The following RYR1 variants were observed in gnomAD, a reference collection of about 807,000 sequenced individuals.
RYR1 encodes the protein central core disease of muscle.
RYR1 carries 342 observed loss-of-function variants against 583.5 expected under a neutral mutation model. That is an observed-to-expected ratio of 0.59 (90% CI 0.54 to 0.64). RYR1 has a LOEUF of 0.64. RYR1 is among the 30% of genes least tolerant of loss of function. The probability of loss-of-function intolerance (pLI) is 0.00; values close to 1 mark genes in which losing one functional copy is unlikely to be tolerated. For synonymous variants in RYR1, 2,791 were observed against 2,822.5 expected (o/e 0.99, Z 0.35); for missense variants, 6,032 against 6,917.2 (o/e 0.87, Z 4.54).
chr19:38,459,247 C>T lies in RYR1; in HGVS notation c.2269C>T (p.Arg757Cys), dbSNP rs890373465. The T allele has an allele frequency of 1.9e-5, 30 of 1,613,984 alleles. No individual in the cohort carries two copies. The highest frequency in any genetic ancestry group is 8.3e-5 in the Admixed American group (5 of 59,998). The change falls in exon 19 of 106, where the codon CGC becomes TGC. Residue 757 changes from arginine to cysteine, a missense_variant. Transcript: ENST00000359596. The stretch of plus-strand genomic sequence containing the variant: ...CCTCAGCGTGCCGTCCATCTCCTTC[C>T]GCATCAACGGCTGCCCCGTGCAGGG... ...LDLSVPSISF[R>C]INGCPVQGVF...
In RYR1 at chr19:38,534,782, G is replaced by A. The variant is rs1389320672; in HGVS notation, c.11322G>A (p.Ala3774=). ...AAGCACGGCTGCACACCCGGGGGGC[G>A]GCCGAGATGGTGCTGCAGATGATCA... ...YQQARLHTRG[A]AEMVLQMISA... The change falls in exon 79 of 106, where the codon GCG becomes GCA. Residue 3774 remains alanine (A), a synonymous_variant. Transcript: ENST00000359596. 7.4e-6 allele frequency: 12 copies of A among 1,613,780 alleles called. No homozygotes were observed. Among genetic ancestry groups the A allele is most frequent in the East Asian group, 6.7e-5 (3 of 44,876 alleles).
At chr19:38,488,219 C>T (rs1969384703) in intron 34 of RYR1, among the ~76,000 whole-genome samples, 2 of 152,140 alleles carry the variant, frequency 1.3e-5, no homozygotes, top group Non-Finnish European at 2.9e-5. Flanking sequence ...TCATTTACTT[C>T]CTCATGCATC....
intron 61 of RYR1, 132 bp downstream of exon 61, chr19:38,511,742 C>G: frequency 8.7e-7 from 1 of 1,144,566 alleles, no homozygotes; most frequent in Admixed American, 1.8e-5. Context: ...AGACATGGAC[C>G]AGGTATCCGG....
At position 38,507,923 on chromosome 19, in the gene RYR1, C is replaced by T. The variant is rs946050840; in HGVS notation, c.8932+96C>T. The T allele has an allele frequency of 1.4e-5, 11 of 759,100 alleles. 1 individual carries two copies. Among genetic ancestry groups the T allele is most frequent in the South Asian group, 1.3e-4 (9 of 71,738 alleles). 47.0% of individuals were successfully genotyped at this position (759,100 alleles called of 1,614,324 possible). ...AGGACACCTGTTCATGCACTCAATC[C>T]GTCCTCCCCTTATCTGATGTTTATT... is the stretch of plus-strand genomic sequence containing the variant. On this transcript the variant is annotated intron_variant, in intron 58 of 105. Transcript: ENST00000359596.
intron 34 of RYR1, 121 bp from the exon 35 acceptor site, chr19:38,489,056 C>G (rs1200104835): frequency 1.1e-6 from 1 of 885,306 alleles, no homozygotes; most frequent in Non-Finnish European, 1.9e-6. Flanking sequence ...TGGGAGGAAT[C>G]GGATCAGCCA....
chr19:38,542,121 A>G (rs534146439), intron 84 of RYR1, among the ~76,000 whole-genome samples: 1 of 147,678 alleles, frequency 6.8e-6, no homozygotes, highest in East Asian at 2.0e-4. Context: ...TTTTTTTACT[A>G]CTGTATCCCC....
chr19:38,562,792 C>T (rs1973210011), intron 90 of RYR1, among the ~76,000 whole-genome samples: 1 of 152,234 alleles, frequency 6.6e-6, no homozygotes. Flanking sequence ...CACACTGAGC[C>T]TCTCGTGGTT....
rs2145543717 is a variant in RYR1, at chr19:38,485,885, A to G, written c.5230A>G (p.Ile1744Val). 1.9e-6 allele frequency: 3 copies of G among 1,613,758 alleles called. No individual in the cohort carries two copies. Among genetic ancestry groups the G allele is most frequent in the South Asian group, 1.1e-5 (1 of 91,084 alleles). ...IVPLTPETRAITLFPPGRSTE... is the reference protein window; with the variant it reads ...IVPLTPETRAVTLFPPGRSTE... ...GCCCCTCACGCCTGAGACCCGCGCC[A>G]TCACGCTCTTCCCTCCTGGAAGGAG... Residue 1744 changes from isoleucine (I) to valine (V), a missense_variant, in exon 34 of 106, where the codon ATC (isoleucine) becomes GTC (valine). Ile to Val is a conservative substitution (Grantham distance 29). This residue lies in a region of RYR1 where 2,627 missense variants were observed against 2,961.3 expected (regional missense o/e 0.89). Transcript: ENST00000359596.
At chr19:38,487,077 A>G (rs909099628) in intron 34 of RYR1, among the ~76,000 whole-genome samples, 10 of 151,970 alleles carry the variant, frequency 6.6e-5, no homozygotes, top group African/African-American at 2.4e-4. Context: ...TTCCTTCCGT[A>G]GGTCCAATAA....
At position 38,530,410 on chromosome 19, in the gene RYR1, A is replaced by C. The variant is rs1600943048; in HGVS notation, c.11141+1353A>C. ...CTCCTGAGTAGCTGGGACTACAGGC[A>C]CGTGCCTCCATGCCTGGCTATTTTT... On this transcript the variant is annotated intron_variant, in intron 76 of 105. Coordinates refer to ENST00000359596, the MANE Select transcript of RYR1 (RefSeq NM_000540.3). Among the ~76,000 whole-genome samples, 5 of 148,964 alleles carry C rather than the reference A, an allele frequency of 3.4e-5. No individual in the cohort carries two copies. In the South Asian group the frequency reaches 1.1e-3, roughly 32 times the overall value.
intron 28 of RYR1, among the ~76,000 whole-genome samples, chr19:38,473,984 C>T (rs915591739): frequency 2.0e-5 from 3 of 152,126 alleles, no homozygotes; most frequent in Non-Finnish European, 4.4e-5. Flanking sequence ...TAATTGGGTA[C>T]CCTAGTATCT....
intron 53 of RYR1, 143 bp downstream of exon 53, chr19:38,505,541 T>C (rs569081641): frequency 2.6e-6 from 2 of 783,838 alleles, no homozygotes; most frequent in East Asian, 5.3e-5. Flanking sequence ...CTTTGCCTTC[T>C]CTCAAACTTG....
chr19:38,535,004 C>T (rs1207518572), intron 79 of RYR1, 137 bp from the exon 80 acceptor site: 7 of 1,040,934 alleles, frequency 6.7e-6, no homozygotes, highest in South Asian at 5.4e-5. Flanking sequence ...CCTTCAATCA[C>T]GATCACCCCT....
intron 37 of RYR1, 126 bp from the exon 38 acceptor site, chr19:38,492,360 CAAAA>C (rs60482983): frequency 2.3e-3 from 1,669 of 722,096 alleles, no homozygotes; most frequent in Non-Finnish European, 2.5e-3. Context: ...GACACTGTCT[CAAAA>C]AAAAAAAAAA....
Position 38,516,132 on chromosome 19 carries a change from C to T in RYR1, c.9600C>T (p.Ala3200=). The part of the protein sequence containing the change: ...LGECLARLAA[A]MPVAFLEPQL... ...AGTGCCTGGCCCGTCTGGCAGCAGC[C>T]ATGCCGGTGGCGTTCCTGGAGCCGC... Residue 3200 remains alanine, a synonymous_variant, in exon 65 of 106, where the codon GCC becomes GCT. Transcript: ENST00000359596. 1 of 1,551,182 alleles carries T rather than the reference C, an allele frequency of 6.4e-7. No individual in the cohort carries two copies. Among genetic ancestry groups the T allele is most frequent in the Non-Finnish European group, 8.7e-7 (1 of 1,147,476 alleles).
At position 38,514,922 on chromosome 19, in the gene RYR1, C is replaced by T. The variant is rs12461853; in HGVS notation, c.9473-104C>T. Reference sequence around the variant, plus strand: ...ACATGGAAGGCTGGCTGTACATCTGCTTGCTCTTCCCCACTGCATGGGCCT... The same window carrying T: ...ACATGGAAGGCTGGCTGTACATCTGTTTGCTCTTCCCCACTGCATGGGCCT... On this transcript the variant is annotated intron_variant, in intron 63 of 105. Coordinates refer to ENST00000359596, the MANE Select transcript of RYR1 (RefSeq NM_000540.3). The T allele has an allele frequency of 8.7e-3, 6,628 of 761,262 alleles. 166 individuals carry two copies. Among genetic ancestry groups the T allele is most frequent in the East Asian group, 0.068 (2,662 of 38,950 alleles). The allele number at this position is 761,262 out of a possible 1,614,324, so 47.2% of individuals were successfully genotyped here.
chr19:38,517,490 A>G lies in RYR1; in HGVS notation c.9817A>G (p.Thr3273Ala). 1 of 1,614,030 alleles carries G rather than the reference A, an allele frequency of 6.2e-7. No homozygotes were observed. Among genetic ancestry groups the G allele is most frequent in the Non-Finnish European group, 8.5e-7 (1 of 1,179,988 alleles). The change falls in exon 66 of 106, where the codon ACG (threonine) becomes GCG (alanine). Residue 3273 changes from threonine (T) to alanine (A), a missense_variant. Coordinates refer to ENST00000359596, the MANE Select transcript of RYR1 (RefSeq NM_000540.3). The part of the protein sequence containing the change: ...YTEMPHVIEI[T>A]LPMLCSYLPR... ...AGAGATGCCGCATGTCATCGAGATC[A>G]CGCTGCCCATGCTATGCAGCTACCT...
chr19:38,546,282 C>T lies in RYR1; in HGVS notation c.12013-163C>T, dbSNP rs969161768. Among the ~76,000 whole-genome samples the T allele has an allele frequency of 5.0e-4, 76 of 152,028 alleles. 1 individual carries two copies. The highest frequency in any genetic ancestry group is 1.9e-4 in the East Asian group (1 of 5,184). ...CACCCCCACAATCTTGTCTCTCTGC[C>T]CCTTCCCCTGCTTCCGAGGAACATG... On this transcript the variant is annotated intron_variant, in intron 87 of 105. Coordinates refer to ENST00000359596, the MANE Select transcript of RYR1 (RefSeq NM_000540.3).
chr19:38,506,392 C>T lies in RYR1; in HGVS notation c.8616+15C>T, dbSNP rs560218459. 8.1e-6 allele frequency: 13 copies of T among 1,613,934 alleles called. No individual in the cohort carries two copies. Among genetic ancestry groups the T allele is most frequent in the African/African-American group, 1.3e-5 (1 of 74,990 alleles). ...GGGAGCTGCAGGTGAGAGCCCTGAT[C>T]CTTTTGGGGGGACATAGGGTGTCTT... On this transcript the variant is annotated intron_variant, in intron 55 of 105. Coordinates refer to ENST00000359596, the MANE Select transcript of RYR1 (RefSeq NM_000540.3).
Sources: allele counts gnomAD v4.1 joint callset (sites outside exome capture counted in the v4.1 genomes callset), GRCh38; gene constraint gnomAD v4.1.1; regional missense constraint gnomAD v4.1.1; transcripts MANE v1.5; gene names NCBI Gene and HGNC (gene_info 2026-07-23, HGNC 2026-07-21).